Variants in COL5A1 observed in about 807,000 individuals in gnomAD.
The protein encoded by COL5A1 is collagen alpha-1(V) chain.
A neutral mutation model predicts 263.7 loss-of-function variants in COL5A1; 16 were observed. That is an observed-to-expected ratio of 0.06 (90% CI 0.04 to 0.09). The LOEUF is 0.09. COL5A1 is among the 10% of genes least tolerant of loss of function. The pLI, the probability that COL5A1 is intolerant of heterozygous loss-of-function variation, is 1.00. For missense variants in COL5A1, 2,036 were observed against 2,540.5 expected, an observed-to-expected ratio of 0.80 and a Z score of 4.27; for synonymous variants, 1,012 against 1,004.5, an observed-to-expected ratio of 1.01 and a Z score of -0.14.
chr9:134,843,746 G>A lies in COL5A1; in HGVS notation c.*1443G>A, dbSNP rs10895. ...CTAATTTCTGTGTTTGTTCCAAGCC[G>A]TTCAGTCATGCCATGCGCTGCCTCG... is the stretch of plus-strand genomic sequence containing the variant. On this transcript the variant is annotated 3_prime_UTR_variant, in exon 66 of 66. Transcript: ENST00000371817. 0.059 allele frequency: 9,069 copies of A among 152,764 alleles called. 393 individuals are homozygous for A. Among genetic ancestry groups the A allele is most frequent in the East Asian group, 0.17 (893 of 5,172 alleles). The allele number at this position is 152,764 out of a possible 1,614,324, so 9.5% of individuals were successfully genotyped here.
At chr9:134,815,752 C>A in intron 51 of COL5A1, 123 bp downstream of exon 51, 1 of 1,283,852 alleles carries the variant, frequency 7.8e-7, no homozygotes, top group Non-Finnish European at 1.1e-6. Context: ...GGCAATGTCC[C>A]AAAAGGCACT....
chr9:134,744,657 G>GCTCA (rs1564426112), intron 11 of COL5A1, among the ~76,000 whole-genome samples: 1 of 129,934 alleles, frequency 7.7e-6, no homozygotes, highest in African/African-American at 2.9e-5. Flanking sequence ...ACACAGGTAC[G>GCTCA]CTCACACACA....
In COL5A1 at chr9:134,776,753, G is replaced by A. The variant is rs1837068353; in HGVS notation, c.2385+1841G>A. Among the ~76,000 whole-genome samples the A allele has an allele frequency of 2.0e-5, 3 of 152,306 alleles. No homozygotes were observed. The South Asian group carries it at 6.2e-4, about 32-fold the overall frequency. ...TAACCAAAAGACCCTAAAATGGGTG[G>A]CTTGTAAACAACAGGGAATTATTTC... On this transcript the variant is annotated intron_variant, in intron 27 of 65. Transcript: ENST00000371817.
intron 25 of COL5A1, among the ~76,000 whole-genome samples, chr9:134,771,165 G>A (rs1019338947): frequency 1.3e-5 from 2 of 152,254 alleles, no homozygotes; most frequent in African/African-American, 2.4e-5. Flanking sequence ...GGGCTTCCTC[G>A]AGCAGCCGGG....
Position 134,763,794 on chromosome 9 carries a change from C to T in COL5A1, c.2034+57C>T, listed in dbSNP as rs765890804. 3.3e-5 allele frequency: 51 copies of T among 1,531,920 alleles called. 1 individual carries two copies. Among genetic ancestry groups the T allele is most frequent in the Admixed American group, 2.2e-4 (13 of 59,162 alleles). The allele number at this position is 1,531,920 out of a possible 1,614,324, so 94.9% of individuals were successfully genotyped here. On this transcript the variant is annotated intron_variant, in intron 20 of 65. Coordinates refer to ENST00000371817, the MANE Select transcript of COL5A1 (RefSeq NM_000093.5). ...GCTCAGTGTGGAGAAAGGCTTTGTC[C>T]AAGGCTCCTGCTGGAGCAGGATCTG...
chr9:134,760,418 GCA>G (rs62652049), intron 18 of COL5A1, among the ~76,000 whole-genome samples: 1,251 of 59,362 alleles, frequency 0.021, 21 homozygotes, highest in East Asian at 0.034. Context: ...ATACACACAT[GCA>G]CACACACCAC....
At chr9:134,768,791 C>T (rs1327695007) in intron 25 of COL5A1, among the ~76,000 whole-genome samples, 4 of 152,234 alleles carry the variant, frequency 2.6e-5, no homozygotes, top group African/African-American at 4.8e-5. Flanking sequence ...CCATCGCTTG[C>T]GTCCCCAGGG....
chr9:134,727,536 A>T, intron 5 of COL5A1, 139 bp downstream of exon 5: 7 of 928,136 alleles, frequency 7.5e-6, no homozygotes, highest in Non-Finnish European at 1.2e-5. Flanking sequence ...GGAGGTAAAC[A>T]TTGGGATATC....
intron 4 of COL5A1, chr9:134,708,336 TG>T (rs1240863930): frequency 5.0e-5 from 16 of 322,078 alleles, no homozygotes; most frequent in Non-Finnish European, 8.6e-5. Flanking sequence ...GGAGGCAGTG[TG>T]TGCCTGCCCC....
chr9:134,803,535 T>A (rs952384003), intron 39 of COL5A1, among the ~76,000 whole-genome samples: 2 of 152,150 alleles, frequency 1.3e-5, no homozygotes, highest in Non-Finnish European at 2.9e-5. Flanking sequence ...CTTGGGAGGC[T>A]GAGGCAGGAG....
At chr9:134,659,013 G>A (rs1318158259) in intron 1 of COL5A1, among the ~76,000 whole-genome samples, 1 of 152,208 alleles carries the variant, frequency 6.6e-6, no homozygotes, top group Non-Finnish European at 1.5e-5. Context: ...TGGCCTCTGT[G>A]TAAGGCAGGA....
chr9:134,724,856 ATGAACCAGGCTCAGG>A (rs879777537), intron 4 of COL5A1, among the ~76,000 whole-genome samples: 2,186 of 151,962 alleles, frequency 0.014, 20 homozygotes, highest in South Asian at 0.029. Flanking sequence ...GAAGGTTCCG[ATGAACCAGGCTCAGG>A]TGAACCAGGC....
rs1836755541 is a variant in COL5A1 at position 134,768,425 on chromosome 9, C to G, written c.2248C>G (p.Pro750Ala). Residue 750 changes from proline (P) to alanine (A), a missense_variant, in exon 25 of 66, where the codon CCA (proline) becomes GCA (alanine). This residue lies in a region of COL5A1 where 1,078 missense variants were observed against 1,521.4 expected (regional missense o/e 0.71). Coordinates refer to ENST00000371817, the MANE Select transcript of COL5A1 (RefSeq NM_000093.5). ...TTTGTTCTAGGGTCCCTTGGGGAAA[C>G]CAGGCCTTCCAGGAATGCCCGGTGC... The part of the protein sequence containing the change: ...PPGEKGPLGK[P>A]GLPGMPGADG... 1 of 1,614,084 alleles carries G rather than the reference C, an allele frequency of 6.2e-7. No homozygotes were observed. Among genetic ancestry groups the G allele is most frequent in the East Asian group, 2.2e-5 (1 of 44,854 alleles).
intron 1 of COL5A1, among the ~76,000 whole-genome samples, chr9:134,668,011 C>T (rs1247280153): frequency 6.6e-6 from 1 of 152,300 alleles, no homozygotes; most frequent in East Asian, 1.9e-4. Flanking sequence ...ACCTGCTCAT[C>T]CACCTTTTCA....
chr9:134,737,274 G>A (rs559386888), intron 9 of COL5A1, among the ~76,000 whole-genome samples: 1 of 152,298 alleles, frequency 6.6e-6, no homozygotes, highest in South Asian at 2.1e-4. Context: ...GTACCCATGG[G>A]TGTCGCCGAG....
At chr9:134,734,905 C>T (rs1260999802) in intron 9 of COL5A1, among the ~76,000 whole-genome samples, 2 of 152,174 alleles carry the variant, frequency 1.3e-5, no homozygotes, top group African/African-American at 4.8e-5. Flanking sequence ...TCTTTTATTT[C>T]TTTTGTTAAA....
In COL5A1 at chr9:134,798,330, C is replaced by T. The variant is rs1361957171; in HGVS notation, c.2899-78C>T. ...GCAGGAGCCATGGAAATAACGGTCA[C>T]TCCACGTGGCATTAATTCTCAAAGG... On this transcript the variant is annotated intron_variant, in intron 36 of 65. Transcript: ENST00000371817. 7.5e-6 allele frequency: 10 copies of T among 1,335,558 alleles called. No individual in the cohort carries two copies. In the African/African-American group the frequency reaches 1.0e-4, roughly 13 times the overall value. 82.7% of individuals were successfully genotyped at this position (1,335,558 alleles called of 1,614,324 possible). A position where few individuals can be genotyped will look rare whatever the true frequency, so the allele number is the denominator to read the frequency against.
intron 4 of COL5A1, among the ~76,000 whole-genome samples, chr9:134,719,979 C>T (rs1318898272): frequency 6.6e-6 from 1 of 152,062 alleles, no homozygotes; most frequent in East Asian, 1.9e-4. Flanking sequence ...GGGAGGGGGA[C>T]TGTGGGGACC....
intron 9 of COL5A1, among the ~76,000 whole-genome samples, chr9:134,734,529 C>T (rs899985347): frequency 2.0e-5 from 3 of 152,260 alleles, no homozygotes; most frequent in Non-Finnish European, 4.4e-5. Context: ...GCGGGCGTCC[C>T]GGCCTGTGGA....
Sources: gnomAD v4.1 joint callset for allele counts (sites outside exome capture counted in the v4.1 genomes callset) on GRCh38, gnomAD v4.1.1 for gene constraint, gnomAD v4.1.1 regional missense constraint, MANE v1.5 for transcripts, NCBI Gene and HGNC (gene_info 2026-07-23, HGNC 2026-07-21) for gene names.